Variants in TPST1 observed in about 807,000 individuals in gnomAD.
TPST1 encodes the protein protein-tyrosine sulfotransferase 1.
A neutral mutation model predicts 34.8 loss-of-function variants in TPST1; 20 were observed. The ratio of observed to expected loss-of-function variants is 0.57; its 90% CI spans 0.40 to 0.84. TPST1 has a LOEUF of 0.84. TPST1 is among the 40% of genes least tolerant of loss of function. The pLI is 0.00. For synonymous variants in TPST1, 152 were observed against 159.4 expected (o/e 0.95, Z 0.35); for missense variants, 353 against 455.5 (o/e 0.78, Z 2.05).
At chr7:66,213,662 C>T (rs1022575819) in intron 1 of TPST1, among the ~76,000 whole-genome samples, 25 of 150,784 alleles carry the variant, frequency 1.7e-4, no homozygotes, top group Admixed American at 1.3e-3. Flanking sequence ...GGCTGAGGCG[C>T]GAACCCAGGA....
chr7:66,302,659 T>G (rs1486178039), intron 3 of TPST1, among the ~76,000 whole-genome samples: 1 of 152,224 alleles, frequency 6.6e-6, no homozygotes, highest in African/African-American at 2.4e-5. Flanking sequence ...TGATTCAAGG[T>G]AGCTAGAAAC....
chr7:66,238,779 A>C (rs978224452), intron 1 of TPST1, among the ~76,000 whole-genome samples: 2 of 152,178 alleles, frequency 1.3e-5, no homozygotes, highest in Admixed American at 1.3e-4. Context: ...TGACACATAA[A>C]ATTAACTGTC....
chr7:66,280,635 A>G (rs969046000), intron 2 of TPST1, among the ~76,000 whole-genome samples: 2 of 152,092 alleles, frequency 1.3e-5, no homozygotes. Context: ...TAGGACTTCC[A>G]GTACTGTGTT....
chr7:66,299,983 C>T (rs966968463), intron 3 of TPST1, among the ~76,000 whole-genome samples: 2 of 152,092 alleles, frequency 1.3e-5, no homozygotes, highest in Non-Finnish European at 2.9e-5. Context: ...AAGTTATACA[C>T]TACATTGTAG....
intron 2 of TPST1, among the ~76,000 whole-genome samples, chr7:66,254,017 A>G (rs554203847): frequency 3.4e-4 from 52 of 151,388 alleles, no homozygotes; most frequent in Middle Eastern, 3.4e-3. Flanking sequence ...AAAAAAAAAA[A>G]AAAGAAAGAA....
At chr7:66,316,016 A>G (rs1289884515) in intron 3 of TPST1, among the ~76,000 whole-genome samples, 1 of 152,018 alleles carries the variant, frequency 6.6e-6, no homozygotes, top group Non-Finnish European at 1.5e-5. Flanking sequence ...AGGCTGAGGC[A>G]GGAGAATCGC....
At chr7:66,305,954 T>G (rs1791414357) in intron 3 of TPST1, among the ~76,000 whole-genome samples, 1 of 152,264 alleles carries the variant, frequency 6.6e-6, no homozygotes, top group Admixed American at 6.5e-5. Flanking sequence ...ATAACTTTTC[T>G]ATTCCTCATG....
At chr7:66,224,901 C>CTTTTTTT (rs780952403) in intron 1 of TPST1, among the ~76,000 whole-genome samples, 626 of 42,428 alleles carry the variant, frequency 0.015, 109 homozygotes, top group South Asian at 0.019. Flanking sequence ...TTCTGGTATT[C>CTTTTTTT]TTTTTTTTTT....
intron 3 of TPST1, among the ~76,000 whole-genome samples, chr7:66,324,296 A>T (rs1257591730): frequency 1.3e-5 from 2 of 152,146 alleles, no homozygotes; most frequent in Non-Finnish European, 2.9e-5. Context: ...GGAGGAAAGG[A>T]TACATTATGA....
intron 2 of TPST1, among the ~76,000 whole-genome samples, chr7:66,273,183 T>A (rs1045239349): frequency 6.6e-6 from 1 of 151,972 alleles, no homozygotes; most frequent in Non-Finnish European, 1.5e-5. Flanking sequence ...TCATTCACAA[T>A]AGCTACCAAA....
intron 3 of TPST1, among the ~76,000 whole-genome samples, chr7:66,333,707 C>T (rs1792039963): frequency 6.6e-6 from 1 of 152,180 alleles, no homozygotes; most frequent in African/African-American, 2.4e-5. Context: ...GTTAGCTTTG[C>T]ATTCCCATAA....
At chr7:66,341,292 T>G (rs1792231948) in intron 3 of TPST1, among the ~76,000 whole-genome samples, 2 of 152,078 alleles carry the variant, frequency 1.3e-5, no homozygotes, top group South Asian at 4.1e-4. Flanking sequence ...AAATTTTTGT[T>G]TTTTGAGACA....
chr7:66,236,145 C>G (rs1000433203), intron 1 of TPST1, among the ~76,000 whole-genome samples: 1 of 152,106 alleles, frequency 6.6e-6, no homozygotes, highest in African/African-American at 2.4e-5. Context: ...TAAGCAGTTC[C>G]CAGCTTGACT....
At chr7:66,284,219 G>A (rs576970655) in intron 2 of TPST1, among the ~76,000 whole-genome samples, 19 of 152,244 alleles carry the variant, frequency 1.2e-4, no homozygotes, top group Non-Finnish European at 2.6e-4. Flanking sequence ...TGATAAATAT[G>A]GCTTTCACTA....
chr7:66,329,391 T>C (rs1425658326), intron 3 of TPST1, among the ~76,000 whole-genome samples: 1 of 152,202 alleles, frequency 6.6e-6, no homozygotes, highest in African/African-American at 2.4e-5. Flanking sequence ...TTTGCCATAT[T>C]TGCTTTATCT....
chr7:66,246,055 G>T (rs1265120932), intron 2 of TPST1, among the ~76,000 whole-genome samples: 1 of 151,640 alleles, frequency 6.6e-6, no homozygotes, highest in Non-Finnish European at 1.5e-5. Flanking sequence ...CCATCACCCA[G>T]GCTGGAGTAT....
chr7:66,230,390 A>G (rs1477388307), intron 1 of TPST1, among the ~76,000 whole-genome samples: 1 of 152,128 alleles, frequency 6.6e-6, no homozygotes, highest in African/African-American at 2.4e-5. Flanking sequence ...GAAGCCGCGG[A>G]CCCTCGCGGT....
rs577770909 is a variant in TPST1, at chr7:66,308,835, G to T, written c.1044+22126G>T. ...AGACATTCCTGGGATGTAGTTAGGA[G>T]ATCAGTGAACAGATCAGTCATACGT... is the stretch of plus-strand genomic sequence containing the variant. On this transcript the variant is annotated intron_variant, in intron 3 of 5. Transcript: ENST00000304842. Among the ~76,000 whole-genome samples, 10 of 152,276 alleles carry T rather than the reference G, an allele frequency of 6.6e-5. No individual in the cohort carries two copies. In the South Asian group the frequency reaches 1.2e-3, roughly 19 times the overall value.
intron 1 of TPST1, among the ~76,000 whole-genome samples, chr7:66,223,536 A>G (rs758469841): frequency 7.9e-5 from 12 of 151,328 alleles, no homozygotes; most frequent in Non-Finnish European, 1.6e-4. Context: ...ATAAGAATAT[A>G]TAATTTGAAG....
Sources: gnomAD v4.1 joint callset for allele counts (sites outside exome capture counted in the v4.1 genomes callset) on GRCh38, gnomAD v4.1.1 for gene constraint, MANE v1.5 for transcripts, NCBI Gene and HGNC (gene_info 2026-07-23, HGNC 2026-07-21) for gene names.